The following NEGR1 variants were observed in gnomAD, a reference collection of about 807,000 sequenced individuals.
NEGR1 encodes IgLON family member 4.
NEGR1 carries 10 observed loss-of-function variants against 40.9 expected under a neutral mutation model. That is an observed-to-expected ratio of 0.24 (90% CI 0.15 to 0.42). The LOEUF is 0.42. Ranked by LOEUF, NEGR1 falls within the 10% of genes least tolerant of loss-of-function variation. NEGR1 has a pLI of 1.00. For synonymous variants in NEGR1, 185 were observed against 166.8 expected, an observed-to-expected ratio of 1.11 and a Z score of -0.84; for missense variants, 352 against 438.9, an observed-to-expected ratio of 0.80 and a Z score of 1.77.
At chr1:71,675,520 TAGAG>T (rs1184170307) in intron 4 of NEGR1, among the ~76,000 whole-genome samples, 1 of 151,200 alleles carries the variant, frequency 6.6e-6, no homozygotes, top group Non-Finnish European at 1.5e-5. Context: ...TCTCTTTATA[TAGAG>T]AGTGAGAGAG....
chr1:72,076,645 C>CAT (rs1171293878), intron 1 of NEGR1, among the ~76,000 whole-genome samples: 1 of 151,978 alleles, frequency 6.6e-6, no homozygotes, highest in African/African-American at 2.4e-5. Context: ...AATCAGTCTC[C>CAT]ATATATATGT....
At chr1:71,832,741 A>G (rs374968636) in intron 2 of NEGR1, among the ~76,000 whole-genome samples, 84 of 152,152 alleles carry the variant, frequency 5.5e-4, no homozygotes, top group East Asian at 2.3e-3. Context: ...TCAAGGCCCA[A>G]TTAGGCAAAA....
At chr1:72,094,729 C>CTGAAGAT (rs1468126382) in intron 1 of NEGR1, among the ~76,000 whole-genome samples, 2 of 152,198 alleles carry the variant, frequency 1.3e-5, no homozygotes, top group East Asian at 3.9e-4. Flanking sequence ...TCTACCCAAA[C>CTGAAGAT]TGAAGATTGT....
intron 3 of NEGR1, among the ~76,000 whole-genome samples, chr1:71,717,344 C>T (rs1654311204): frequency 1.3e-5 from 2 of 152,268 alleles, no homozygotes; most frequent in South Asian, 2.1e-4. Context: ...TGTCTCTCAG[C>T]ATATTTGTTT....
intron 3 of NEGR1, among the ~76,000 whole-genome samples, chr1:71,698,764 A>G (rs1653575014): frequency 2.6e-5 from 4 of 151,928 alleles, no homozygotes; most frequent in Non-Finnish European, 5.9e-5. Flanking sequence ...ATAAAAGCAA[A>G]CTAAATTATC....
intron 5 of NEGR1, among the ~76,000 whole-genome samples, chr1:71,600,720 A>G (rs1408984053): frequency 1.3e-5 from 2 of 152,244 alleles, no homozygotes; most frequent in Non-Finnish European, 2.9e-5. Context: ...CCAGAATGTG[A>G]AGAAACCTAC....
chr1:71,646,628 T>C (rs1651540009), intron 4 of NEGR1, among the ~76,000 whole-genome samples: 1 of 151,800 alleles, frequency 6.6e-6, no homozygotes, highest in South Asian at 2.1e-4. Flanking sequence ...GCACCACACA[T>C]TTGAAAAATG....
chr1:72,135,672 A>G (rs1351479204), intron 1 of NEGR1, among the ~76,000 whole-genome samples: 1 of 152,182 alleles, frequency 6.6e-6, no homozygotes, highest in African/African-American at 2.4e-5. Flanking sequence ...GATCAGAGAC[A>G]ACGGAATTTC....
intron 2 of NEGR1, among the ~76,000 whole-genome samples, chr1:71,912,975 T>C (rs1661462400): frequency 1.3e-5 from 2 of 152,220 alleles, no homozygotes; most frequent in Non-Finnish European, 1.5e-5. Context: ...TTGTTGGACA[T>C]GTGTGATTCA....
At chr1:71,987,707 A>C (rs1646408151) in intron 1 of NEGR1, among the ~76,000 whole-genome samples, 1 of 152,218 alleles carries the variant, frequency 6.6e-6, no homozygotes, top group Non-Finnish European at 1.5e-5. Context: ...TTTGTGCCAC[A>C]AAGGGGAAAA....
intron 3 of NEGR1, chr1:71,703,147 A>G (rs1000904519): frequency 6.6e-6 from 1 of 152,164 alleles, no homozygotes; most frequent in Admixed American, 6.6e-5. Flanking sequence ...CAAGGTAAAG[A>G]GACATTGATC....
chr1:71,662,198 T>C (rs185050259), intron 4 of NEGR1, among the ~76,000 whole-genome samples: 104 of 152,308 alleles, frequency 6.8e-4, no homozygotes, highest in Middle Eastern at 3.4e-3. Flanking sequence ...TAAGCCTCAG[T>C]TTTCCTCATT....
intron 6 of NEGR1, among the ~76,000 whole-genome samples, chr1:71,543,959 C>CTT (rs536357884): frequency 6.6e-6 from 1 of 150,744 alleles, no homozygotes; most frequent in East Asian, 2.0e-4. Flanking sequence ...GAAGTCAAAA[C>CTT]TTTTTTTTTA....
At chr1:71,468,617 T>C (rs1646762442) in intron 6 of NEGR1, 1 of 152,020 alleles carries the variant, frequency 6.6e-6, no homozygotes, top group Non-Finnish European at 1.5e-5. Flanking sequence ...CCTGCTGGCA[T>C]GTGAAATTTC....
chr1:71,750,904 A>G (rs1439894619), intron 3 of NEGR1, among the ~76,000 whole-genome samples: 1 of 152,178 alleles, frequency 6.6e-6, no homozygotes, highest in African/African-American at 2.4e-5. Flanking sequence ...ATTTTAGGAC[A>G]ATATAATGGG....
At chr1:71,989,884 TA>T (rs1557471444) in intron 1 of NEGR1, among the ~76,000 whole-genome samples, 2 of 152,202 alleles carry the variant, frequency 1.3e-5, no homozygotes, top group African/African-American at 2.4e-5. Context: ...AATGTTTTTT[TA>T]ATCACTCATC....
intron 1 of NEGR1, among the ~76,000 whole-genome samples, chr1:72,203,639 T>A (rs2821284): frequency 0.022 from 3,330 of 152,234 alleles, 54 homozygotes; most frequent in African/African-American, 0.032. Context: ...ACTCCAATGG[T>A]GAAGAAATGC....
intron 2 of NEGR1, among the ~76,000 whole-genome samples, chr1:71,785,746 G>T (rs1224688423): frequency 6.6e-6 from 1 of 152,088 alleles, no homozygotes; most frequent in African/African-American, 2.4e-5. Context: ...TGCCTTCTTT[G>T]CAAACATTTC....
chr1:72,133,941 T>C (rs1308772047), intron 1 of NEGR1, among the ~76,000 whole-genome samples: 1 of 151,854 alleles, frequency 6.6e-6, no homozygotes, highest in African/African-American at 2.4e-5. Context: ...TTAAATTTGA[T>C]GAAAAATCAT....
Sources: gnomAD v4.1 joint callset for allele counts (sites outside exome capture counted in the v4.1 genomes callset) on GRCh38, gnomAD v4.1.1 for gene constraint, MANE v1.5 for transcripts, NCBI Gene and HGNC (gene_info 2026-07-23, HGNC 2026-07-21) for gene names.